The following BTN2A1 variants were observed in gnomAD, a reference collection of about 807,000 sequenced individuals.
BTN2A1 encodes butyrophilin subfamily 2 member A1, also known as butyrophilin, subfamily 2, member A1.
A neutral mutation model predicts 34.5 loss-of-function variants in BTN2A1; 41 were observed. That is an observed-to-expected ratio of 1.19 (90% confidence interval 0.93 to 1.54). The LOEUF (loss-of-function observed/expected upper bound fraction) is 1.54. Ranked by LOEUF, BTN2A1 falls within the 40% of genes most tolerant of loss-of-function variation. BTN2A1 has a pLI of 0.00. For missense variants in BTN2A1, 642 were observed against 662.0 expected (o/e 0.97, Z 0.33); for synonymous variants, 267 against 258.6 (o/e 1.03, Z -0.31).
At chr6:26,470,585 T>A (rs1415824624), downstream of BTN2A1, among the ~76,000 whole-genome samples, 1 of 152,014 alleles carries the variant, frequency 6.6e-6, no homozygotes, top group Non-Finnish European at 1.5e-5. Flanking sequence ...GTGGACTGAG[T>A]GGAAGAGATC....
At chr6:26,461,056 T>G (rs372390494) in intron 3 of BTN2A1, among the ~76,000 whole-genome samples, 1 of 152,300 alleles carries the variant, frequency 6.6e-6, no homozygotes, top group East Asian at 1.9e-4. Flanking sequence ...GGGCCTCAAA[T>G]CATAACAGGT....
downstream of BTN2A1, among the ~76,000 whole-genome samples, chr6:26,469,890 C>CAA (rs369822722): frequency 6.6e-6 from 1 of 151,920 alleles, no homozygotes; most frequent in African/African-American, 2.4e-5. Context: ...CAAAAACAAA[C>CAA]AAAAAAAATT....
In BTN2A1 at chr6:26,458,121, AAGCAACG is replaced by A; in HGVS notation, c.-51_-45del. ...GTCGAGAACCAGCGGAGAAAAGAAAAAGCAACGTTTAATTCTAGAAGGTAGGAAACGG... is the reference window on the plus strand; with the variant it reads ...GTCGAGAACCAGCGGAGAAAAGAAAATTTAATTCTAGAAGGTAGGAAACGG... On this transcript the variant is annotated 5_prime_UTR_variant, in exon 1 of 8. Coordinates refer to ENST00000312541, the MANE Select transcript of BTN2A1 (RefSeq NM_007049.5). 2 of 156,220 alleles carry A rather than the reference AAGCAACG, an allele frequency of 1.3e-5. No individual in the cohort carries two copies. Among genetic ancestry groups the A allele is most frequent in the East Asian group, 1.9e-4 (1 of 5,230 alleles). 9.7% of individuals were successfully genotyped at this position (156,220 alleles called of 1,614,324 possible).
rs779172120 is a variant in BTN2A1 at position 26,465,307 on chromosome 6, C to G, written c.835C>G (p.Leu279Val). Residue 279 changes from leucine (L) to valine (V), a missense_variant, in exon 5 of 8, where the codon CTG (leucine) becomes GTG (valine). By Grantham distance (32) the Leu-to-Val change is conservative. Transcript: ENST00000312541. ...INKLQKEKKILSGEKEFERET... is the reference protein window; with the variant it reads ...INKLQKEKKIVSGEKEFERET... ...CAAACTCCAAAAGGAAAAAAAGATT[C>G]TGTCAGGGGAAAAGGAGTTTGAACG... 3.7e-6 allele frequency: 6 copies of G among 1,614,024 alleles called. No homozygotes were observed. The highest frequency in any genetic ancestry group is 4.2e-6 in the Non-Finnish European group (5 of 1,180,040).
Position 26,459,815 on chromosome 6 carries a change from C to G in BTN2A1, c.417C>G (p.His139Gln), listed in dbSNP as rs1438132126. The G allele has an allele frequency of 6.2e-7, 1 of 1,612,664 alleles. No individual in the cohort carries two copies. Residue 139 changes from histidine to glutamine, a missense_variant, in exon 3 of 8, where the codon CAC (histidine) becomes CAG (glutamine). Coordinates refer to ENST00000312541, the MANE Select transcript of BTN2A1 (RefSeq NM_007049.5). ...EGRSYDEAIL[H>Q]LVVAGLGSKP... ...GGTCCTACGATGAGGCCATCCTGCA[C>G]CTCGTAGTGGCAGGTGCGTCGCTTC...
At chr6:26,472,566 A>G (rs1021640470), downstream of BTN2A1, among the ~76,000 whole-genome samples, 2 of 152,140 alleles carry the variant, frequency 1.3e-5, no homozygotes, top group Admixed American at 1.3e-4. Flanking sequence ...TGACCCAACT[A>G]AAGTTGCAAG....
In BTN2A1 at chr6:26,459,766, A is replaced by C; in HGVS notation, c.368A>C (p.Tyr123Ser). The change falls in exon 3 of 8, where the codon TAC becomes TCC. Residue 123 changes from tyrosine to serine, a missense_variant. Transcript: ENST00000312541. ...HNITAQENGT[Y>S]RCYFQEGRSY... is the part of the protein sequence containing the mutation. ...ATCACAGCCCAGGAAAACGGCACCTACCGCTGTTACTTCCAAGAAGGCAGG... is the reference window on the plus strand; with the variant it reads ...ATCACAGCCCAGGAAAACGGCACCTCCCGCTGTTACTTCCAAGAAGGCAGG... The C allele has an allele frequency of 1.2e-6, 2 of 1,614,158 alleles. No individual in the cohort carries two copies. Among genetic ancestry groups the C allele is most frequent in the South Asian group, 2.2e-5 (2 of 91,086 alleles).
In BTN2A1 at chr6:26,463,224, A is replaced by G; in HGVS notation, c.431-20A>G. 6.4e-7 allele frequency: 1 copy of G among 1,551,982 alleles called. No individual in the cohort carries two copies. Among genetic ancestry groups the G allele is most frequent in the Non-Finnish European group, 8.7e-7 (1 of 1,151,820 alleles). ...GCAAAAGGCACTGACTTTTGCCTGA[A>G]CCCTGATATCTCTCCACAGGACTAG... On this transcript the variant is annotated intron_variant, in intron 3 of 7. Transcript: ENST00000312541.
downstream of BTN2A1, among the ~76,000 whole-genome samples, chr6:26,473,832 G>T (rs1763490805): frequency 6.6e-6 from 1 of 152,090 alleles, no homozygotes; most frequent in Non-Finnish European, 1.5e-5. Flanking sequence ...GAGAGGTAGG[G>T]CTGAAACTTT....
rs1469065928 is a variant in BTN2A1, at chr6:26,469,252, G to A, written c.*703G>A. On this transcript the variant is annotated 3_prime_UTR_variant, in exon 8 of 8. Transcript: ENST00000312541. ...AGGAGTCAGTACTCAGTCCCTGAGT[G>A]TGGCTGAAATTTGAGGTCCTGGCTG... 2.0e-6 allele frequency: 2 copies of A among 999,470 alleles called. No homozygotes were observed. The highest frequency in any genetic ancestry group is 2.4e-6 in the Non-Finnish European group (2 of 837,640). 61.9% of individuals were successfully genotyped at this position (999,470 alleles called of 1,614,324 possible).
At chr6:26,471,418 G>T (rs1763446601), downstream of BTN2A1, among the ~76,000 whole-genome samples, 1 of 152,186 alleles carries the variant, frequency 6.6e-6, no homozygotes. Context: ...TAGATCTTTG[G>T]TTTTTGTCCC....
At chr6:26,474,328 C>G (rs368845706), downstream of BTN2A1, among the ~76,000 whole-genome samples, 4 of 152,204 alleles carry the variant, frequency 2.6e-5, no homozygotes, top group East Asian at 7.7e-4. Flanking sequence ...TAAGCTGTTT[C>G]TGTGTGTCAC....
chr6:26,474,305 A>T (rs1763502048), downstream of BTN2A1, among the ~76,000 whole-genome samples: 1 of 152,202 alleles, frequency 6.6e-6, no homozygotes, highest in Non-Finnish European at 1.5e-5. Context: ...GCCAACTCTG[A>T]GCTGTAACCA....
intron 4 of BTN2A1, 29 bp downstream of exon 4, chr6:26,463,554 G>A (rs766642614): frequency 3.8e-6 from 6 of 1,596,856 alleles, no homozygotes; most frequent in East Asian, 4.5e-5. Flanking sequence ...GAGACTCGTC[G>A]AGTGCATGGG....
rs1222701500 is a variant in BTN2A1 at position 26,468,163 on chromosome 6, G to T, written c.1198G>T (p.Val400Leu). 9.9e-6 allele frequency: 16 copies of T among 1,614,200 alleles called. No homozygotes were observed. Among genetic ancestry groups the T allele is most frequent in the Non-Finnish European group, 1.3e-5 (15 of 1,180,032 alleles). The change falls in exon 8 of 8, where the codon GTG becomes TTG. Residue 400 changes from valine to leucine, a missense_variant. By Grantham distance (32) the Val-to-Leu change is conservative. Transcript: ENST00000312541. Reference protein sequence around the residue: ...VEVENVIEWTVGVCRDSVERK... With the variant: ...VEVENVIEWTLGVCRDSVERK... ...GGTGGAAAACGTGATTGAGTGGACT[G>T]TGGGGGTCTGTAGAGACAGTGTTGA...
downstream of BTN2A1, among the ~76,000 whole-genome samples, chr6:26,472,716 C>G (rs1255104309): frequency 6.6e-6 from 1 of 152,134 alleles, no homozygotes; most frequent in African/African-American, 2.4e-5. Context: ...TTCAGCAGTT[C>G]CTGAGCTCTT....
In BTN2A1 at chr6:26,469,085, G is replaced by T. The variant is rs1227242798; in HGVS notation, c.*536G>T. On this transcript the variant is annotated 3_prime_UTR_variant, in exon 8 of 8. Transcript: ENST00000312541. ...TAAGTCCCACCATAACAGCTAAGGG[G>T]ACCTGGGAGATGATGGCTCATTTCC... 2 of 1,103,368 alleles carry T rather than the reference G, an allele frequency of 1.8e-6. No individual in the cohort carries two copies. The highest frequency in any genetic ancestry group is 1.6e-5 in the African/African-American group (1 of 61,182). The allele number at this position is 1,103,368 out of a possible 1,614,324, so 68.3% of individuals were successfully genotyped here.
At chr6:26,458,920 A>C (rs914637837) in intron 2 of BTN2A1, among the ~76,000 whole-genome samples, 1 of 152,110 alleles carries the variant, frequency 6.6e-6, no homozygotes, top group East Asian at 1.9e-4. Flanking sequence ...GCAAATTTTC[A>C]AAAAAAATTA....
intron 7 of BTN2A1, among the ~76,000 whole-genome samples, chr6:26,467,207 C>T (rs979339254): frequency 1.3e-5 from 2 of 152,080 alleles, no homozygotes; most frequent in East Asian, 1.9e-4. Context: ...GTTGATCCAC[C>T]GGGGAGAGGA....
Sources: allele counts gnomAD v4.1 joint callset (sites outside exome capture counted in the v4.1 genomes callset), GRCh38; gene constraint gnomAD v4.1.1; transcripts MANE v1.5; gene names NCBI Gene and HGNC (gene_info 2026-07-23, HGNC 2026-07-21).